The following PAM variants were observed in gnomAD, a reference collection of about 807,000 sequenced individuals.
The protein encoded by PAM is peptidylglycine alpha-amidating monooxygenase, also known as peptidyl-glycine alpha-amidating monooxygenase.
PAM carries 72 observed loss-of-function variants against 122.1 expected under a neutral mutation model. The ratio of observed to expected loss-of-function variants is 0.59; its 90% CI spans 0.49 to 0.72. The LOEUF is 0.72. Among genes scored for constraint, PAM ranks in the 30% least tolerant of loss-of-function variants. The pLI is 0.00. For synonymous variants in PAM, 389 were observed against 404.4 expected (o/e 0.96, Z 0.46); for missense variants, 1,106 against 1,183.7 (o/e 0.93, Z 0.96).
intron 4 of PAM, among the ~76,000 whole-genome samples, chr5:102,901,701 T>G (rs908476263): frequency 1.8e-4 from 28 of 151,532 alleles, no homozygotes; most frequent in Admixed American, 5.3e-4. Flanking sequence ...GCTTTCTGTC[T>G]GTGGCAGGAT....
intron 14 of PAM, among the ~76,000 whole-genome samples, chr5:102,969,129 C>T (rs2150364285): frequency 6.6e-6 from 1 of 152,024 alleles, no homozygotes; most frequent in South Asian, 2.1e-4. Flanking sequence ...AGGAGGAATA[C>T]CTAATGTAGA....
intron 1 of PAM, among the ~76,000 whole-genome samples, chr5:102,778,260 GTATT>G (rs1297030469): frequency 6.6e-6 from 1 of 152,092 alleles, no homozygotes; most frequent in African/African-American, 2.4e-5. Context: ...CCCTATACTT[GTATT>G]TATATGTTTA....
rs759357211 is a variant in PAM, at chr5:103,007,748, T to G, written c.2215+91T>G. 2.8e-5 allele frequency: 22 copies of G among 783,950 alleles called. No homozygotes were observed. The Middle Eastern group carries it at 1.5e-3, about 52-fold the overall frequency. The allele number at this position is 783,950 out of a possible 1,614,324, so 48.6% of individuals were successfully genotyped here. On this transcript the variant is annotated intron_variant, in intron 20 of 25. Coordinates refer to ENST00000438793, the MANE Select transcript of PAM (RefSeq NM_001177306.2). ...TCTTAATGTGCTCTTTTTATAAATT[T>G]TCTTTGCTATATATTTCACATCTTA...
chr5:102,885,094 T>TATATATAA (rs60241746), intron 3 of PAM, among the ~76,000 whole-genome samples: 9 of 147,790 alleles, frequency 6.1e-5, no homozygotes, highest in African/African-American at 2.1e-4. Flanking sequence ...TATATATATA[T>TATATATAA]AACTATAAAA....
chr5:102,780,725 C>A (rs2149855613), intron 1 of PAM, among the ~76,000 whole-genome samples: 1 of 152,190 alleles, frequency 6.6e-6, no homozygotes, highest in East Asian at 1.9e-4. Context: ...AGGCAGGTTT[C>A]TTAACCTCAG....
In PAM at chr5:103,029,038, G is replaced by A. The variant is rs756041098; in HGVS notation, c.2895G>A (p.Leu965=). 1.9e-6 allele frequency: 3 copies of A among 1,611,382 alleles called. No individual in the cohort carries two copies. In the South Asian group the frequency reaches 3.3e-5, roughly 18 times the overall value. Residue 965 remains leucine (L), a synonymous_variant, in exon 26 of 26, where the codon CTG becomes CTA. Coordinates refer to ENST00000438793, the MANE Select transcript of PAM (RefSeq NM_001177306.2). ...CAGAAGAGGAGTATTCAGCACCTCT[G>A]CCTGCGCTCGCACCTTCCTCCTCCT... is the stretch of plus-strand genomic sequence containing the variant. The part of the protein sequence containing the change: ...SESEEEYSAP[L]PALAPSSS
chr5:102,852,531 C>T (rs2150746693), intron 1 of PAM, among the ~76,000 whole-genome samples: 1 of 151,872 alleles, frequency 6.6e-6, no homozygotes, highest in African/African-American at 2.4e-5. Context: ...TTGCTTTATC[C>T]AGAGTTTTAC....
At chr5:102,756,322 G>C (rs1750309423) in intron 1 of PAM, among the ~76,000 whole-genome samples, 1 of 152,114 alleles carries the variant, frequency 6.6e-6, no homozygotes, top group African/African-American at 2.4e-5. Context: ...CTGGTCATTG[G>C]GGTTCAGAGT....
intron 1 of PAM, among the ~76,000 whole-genome samples, chr5:102,823,322 T>G (rs1432216863): frequency 3.9e-5 from 6 of 152,136 alleles, no homozygotes; most frequent in Non-Finnish European, 8.8e-5. Flanking sequence ...AATAGAGTCA[T>G]AAGTTGCTAT....
At chr5:102,987,580 T>C (rs935310804) in intron 15 of PAM, 3 of 454,266 alleles carry the variant, frequency 6.6e-6, no homozygotes, top group Non-Finnish European at 1.3e-5. Flanking sequence ...AGGTGATGTA[T>C]ATTCTAAATA....
At chr5:102,876,288 G>C (rs1392718977) in intron 3 of PAM, among the ~76,000 whole-genome samples, 1 of 152,028 alleles carries the variant, frequency 6.6e-6, no homozygotes, top group East Asian at 1.9e-4. Context: ...TCTCTTTCCT[G>C]GATTATTATA....
chr5:102,781,513 T>A (rs1758934236), intron 1 of PAM, among the ~76,000 whole-genome samples: 1 of 152,200 alleles, frequency 6.6e-6, no homozygotes, highest in Non-Finnish European at 1.5e-5. Flanking sequence ...AAAGTGCAGT[T>A]CACAGTTTAG....
chr5:102,996,705 C>T (rs1775805876), intron 16 of PAM, among the ~76,000 whole-genome samples: 1 of 152,144 alleles, frequency 6.6e-6, no homozygotes, highest in Admixed American at 6.6e-5. Context: ...CTTGATGCTG[C>T]CAGTTTAAAC....
rs141108510 is a variant in PAM at position 102,826,929 on chromosome 5, A to G, written c.-373-38894A>G. On this transcript the variant is annotated intron_variant, in intron 1 of 25. Coordinates refer to ENST00000438793, the MANE Select transcript of PAM (RefSeq NM_001177306.2). Reference sequence around the variant, plus strand: ...TGAGTCACCTAAATTTAGCATACATATAGATGCTTTTATAAGAGAATTTTT... The same window carrying G: ...TGAGTCACCTAAATTTAGCATACATGTAGATGCTTTTATAAGAGAATTTTT... Among the ~76,000 whole-genome samples, 677 of 152,330 alleles carry G rather than the reference A, an allele frequency of 4.4e-3. 1 individual carries two copies. The highest frequency in any genetic ancestry group is 5.9e-3 in the Non-Finnish European group (400 of 68,024).
In PAM at chr5:103,019,778, G is replaced by A; in HGVS notation, c.2432-12G>A. The A allele has an allele frequency of 1.3e-6, 2 of 1,579,250 alleles. No individual in the cohort carries two copies. Among genetic ancestry groups the A allele is most frequent in the East Asian group, 2.2e-5 (1 of 44,644 alleles). On this transcript the variant is annotated splice_polypyrimidine_tract_variant and intron_variant, in intron 22 of 25. Transcript: ENST00000438793. ...ATTCTGACTTTTCTCTCTCCTTGTTGTGTTGTTACAGAATTGGAACATCGA... is the reference window on the plus strand; with the variant it reads ...ATTCTGACTTTTCTCTCTCCTTGTTATGTTGTTACAGAATTGGAACATCGA...
At chr5:102,992,371 C>G (rs1774362086) in intron 16 of PAM, among the ~76,000 whole-genome samples, 1 of 151,990 alleles carries the variant, frequency 6.6e-6, no homozygotes, top group Non-Finnish European at 1.5e-5. Flanking sequence ...CTTTCCTTCT[C>G]CCTTCCTGGT....
Position 102,962,957 on chromosome 5 carries a change from A to G in PAM, c.1162+1728A>G, listed in dbSNP as rs576882529. ...AAGAAATTATTTTCCTGCAGTTTCT[A>G]TTTTCTTCTGTTTGTGAATAAAAAT... On this transcript the variant is annotated intron_variant, in intron 14 of 25. Coordinates refer to ENST00000438793, the MANE Select transcript of PAM (RefSeq NM_001177306.2). Among the ~76,000 whole-genome samples the G allele has an allele frequency of 2.6e-5, 4 of 151,864 alleles. No homozygotes were observed. In the East Asian group the frequency reaches 7.7e-4, roughly 29 times the overall value.
intron 15 of PAM, among the ~76,000 whole-genome samples, chr5:102,989,115 T>C (rs1043428980): frequency 6.6e-6 from 1 of 152,094 alleles, no homozygotes; most frequent in Non-Finnish European, 1.5e-5. Flanking sequence ...GCTGATACAA[T>C]AGCTTTCATA....
At chr5:102,870,749 A>G (rs1787157827) in intron 3 of PAM, among the ~76,000 whole-genome samples, 1 of 152,182 alleles carries the variant, frequency 6.6e-6, no homozygotes, top group South Asian at 2.1e-4. Flanking sequence ...CAGGTTTTAA[A>G]TAGCCTATCA....
Sources: gnomAD v4.1 joint callset for allele counts (sites outside exome capture counted in the v4.1 genomes callset) on GRCh38, gnomAD v4.1.1 for gene constraint, MANE v1.5 for transcripts, NCBI Gene and HGNC (gene_info 2026-07-23, HGNC 2026-07-21) for gene names.